Variants in ATP9B observed in about 807,000 individuals in gnomAD.
ATP9B encodes the protein probable phospholipid-transporting ATPase IIB.
In ATP9B, 110 loss-of-function variants were observed where a neutral mutation model predicts 146.1. The ratio of observed to expected loss-of-function variants is 0.75; its 90% CI spans 0.65 to 0.88. The LOEUF (loss-of-function observed/expected upper bound fraction) is 0.88. Ranked by LOEUF, ATP9B falls within the 40% of genes least tolerant of loss-of-function variation. The probability of loss-of-function intolerance (pLI) is 0.00; values close to 1 mark genes in which losing one functional copy is unlikely to be tolerated. For synonymous variants in ATP9B, 604 were observed against 569.7 expected (o/e 1.06, Z -0.86); for missense variants, 1,499 against 1,496.4 (o/e 1.00, Z -0.03).
At chr18:79,242,049 A>G (rs899783131) in intron 11 of ATP9B, among the ~76,000 whole-genome samples, 3 of 152,358 alleles carry the variant, frequency 2.0e-5, no homozygotes, top group Middle Eastern at 3.4e-3. Context: ...CTGTGGTCTC[A>G]TGCAGGAGCA....
chr18:79,167,113 C>T (rs763802093), intron 7 of ATP9B, among the ~76,000 whole-genome samples: 14 of 152,194 alleles, frequency 9.2e-5, no homozygotes, highest in African/African-American at 1.2e-4. Context: ...AGCCCTGGCT[C>T]GGTGAGCTGT....
intron 6 of ATP9B, 80 bp from the exon 7 acceptor site, chr18:79,154,424 G>T: frequency 1.1e-6 from 1 of 937,350 alleles, no homozygotes; most frequent in Non-Finnish European, 1.6e-6. Context: ...GTTTTCATAG[G>T]TATTTCTTAT....
At chr18:79,306,677 G>A (rs145416005) in intron 14 of ATP9B, among the ~76,000 whole-genome samples, 2 of 152,336 alleles carry the variant, frequency 1.3e-5, no homozygotes, top group East Asian at 3.9e-4. Context: ...TGAATAAATA[G>A]GAGTTAAGGA....
chr18:79,223,223 A>G (rs991846532), intron 11 of ATP9B, among the ~76,000 whole-genome samples: 1 of 152,212 alleles, frequency 6.6e-6, no homozygotes, highest in South Asian at 2.1e-4. Flanking sequence ...GTACTTTGCA[A>G]CTTGAAATAT....
At chr18:79,296,491 G>T (rs1234227775) in intron 13 of ATP9B, among the ~76,000 whole-genome samples, 1 of 152,166 alleles carries the variant, frequency 6.6e-6, no homozygotes, top group South Asian at 2.1e-4. Context: ...CGTCAATAAC[G>T]AGGTAAAAAA....
At chr18:79,311,507 C>T (rs1487006967) in intron 15 of ATP9B, among the ~76,000 whole-genome samples, 1 of 152,128 alleles carries the variant, frequency 6.6e-6, no homozygotes, top group East Asian at 1.9e-4. Context: ...TAAGCCACGG[C>T]TAGACTTCAA....
intron 26 of ATP9B, chr18:79,364,265 CA>C (rs950562390): frequency 0.048 from 4,520 of 95,024 alleles, 194 homozygotes; most frequent in African/African-American, 0.16. Flanking sequence ...AACTCCGTCT[CA>C]AAAAAAAAAA....
rs2072735720 is a variant in ATP9B at position 79,077,300 on chromosome 18, G to A, written c.119+7771G>A. ...TGGAATGTGGGGGTTACTGCCAGAAGGGGCTGAAGAGCCAGATTCCCTTCA... is the reference window on the plus strand; with the variant it reads ...TGGAATGTGGGGGTTACTGCCAGAAAGGGCTGAAGAGCCAGATTCCCTTCA... On this transcript the variant is annotated intron_variant, in intron 1 of 29. Transcript: ENST00000426216. 2.0e-5 allele frequency among the ~76,000 whole-genome samples: 3 copies of A among 152,186 alleles called. 1 individual carries two copies. The highest frequency in any genetic ancestry group is 1.3e-4 in the Admixed American group (2 of 15,268).
At position 79,240,764 on chromosome 18, in the gene ATP9B, G is replaced by A. The variant is rs140601512; in HGVS notation, c.1108-12617G>A. Among the ~76,000 whole-genome samples, 440 of 152,288 alleles carry A rather than the reference G, an allele frequency of 2.9e-3. 1 individual carries two copies. The highest frequency in any genetic ancestry group is 9.9e-3 in the African/African-American group (412 of 41,572). On this transcript the variant is annotated intron_variant, in intron 11 of 29. Transcript: ENST00000426216. The stretch of plus-strand genomic sequence containing the variant: ...TCCGCCTCAAAAAACAACAGAAAAA[G>A]AAGGTTCAACCAGAGACATCCAATT...
chr18:79,172,528 G>A (rs576876938), intron 7 of ATP9B, among the ~76,000 whole-genome samples: 1 of 111,510 alleles, frequency 9.0e-6, no homozygotes, highest in Non-Finnish European at 1.8e-5. Context: ...CCGCCCTTGC[G>A]ATCCGCCTTG....
At chr18:79,324,447 A>T (rs537038478) in intron 15 of ATP9B, among the ~76,000 whole-genome samples, 41 of 152,260 alleles carry the variant, frequency 2.7e-4, no homozygotes, top group African/African-American at 9.1e-4. Context: ...GTGGTTTTAG[A>T]TACCAAGCAG....
At chr18:79,117,172 A>G (rs2094099756) in intron 4 of ATP9B, 1 of 152,158 alleles carries the variant, frequency 6.6e-6, no homozygotes, top group African/African-American at 2.4e-5. Flanking sequence ...TATGTATAGA[A>G]GGAAATCCAC....
intron 11 of ATP9B, among the ~76,000 whole-genome samples, chr18:79,227,704 G>C (rs375259881): frequency 2.6e-5 from 4 of 152,102 alleles, no homozygotes; most frequent in Non-Finnish European, 5.9e-5. Context: ...ACCTCCCCCC[G>C]ACTGTTCTCC....
chr18:79,223,256 TTTC>T (rs1361729563), intron 11 of ATP9B, among the ~76,000 whole-genome samples: 1 of 152,152 alleles, frequency 6.6e-6, no homozygotes, highest in East Asian at 1.9e-4. Flanking sequence ...GGAGACTAGC[TTTC>T]TTGTTTTAAA....
intron 2 of ATP9B, among the ~76,000 whole-genome samples, chr18:79,100,864 T>C (rs1483072855): frequency 6.6e-6 from 1 of 152,140 alleles, no homozygotes; most frequent in Non-Finnish European, 1.5e-5. Flanking sequence ...CTCCTGTTTT[T>C]AAAATCATCA....
At position 79,236,869 on chromosome 18, in the gene ATP9B, G is replaced by A. The variant is rs370928711; in HGVS notation, c.1108-16512G>A. 4.3e-5 allele frequency among the ~76,000 whole-genome samples: 5 copies of A among 115,876 alleles called. No individual in the cohort carries two copies. The South Asian group carries it at 1.4e-3, about 33-fold the overall frequency. 76.0% of individuals were successfully genotyped at this position (115,876 alleles called of 152,430 possible). ...CCCACTGTGTACACGGTCCGTGCAC[G>A]AGTCAGTGTCCACACCTGCCCCTTC... On this transcript the variant is annotated intron_variant, in intron 11 of 29. Coordinates refer to ENST00000426216, the MANE Select transcript of ATP9B (RefSeq NM_198531.5).
At chr18:79,189,087 G>A (rs1255542063) in intron 8 of ATP9B, among the ~76,000 whole-genome samples, 1 of 152,042 alleles carries the variant, frequency 6.6e-6, no homozygotes, top group South Asian at 2.1e-4. Context: ...GGTGGATCAC[G>A]CCTGTAATCC....
At chr18:79,092,663 T>G (rs1050649891) in intron 1 of ATP9B, among the ~76,000 whole-genome samples, 2 of 146,578 alleles carry the variant, frequency 1.4e-5, no homozygotes, top group African/African-American at 5.2e-5. Context: ...TTTTTTTGGT[T>G]AAAAACGGAA....
intron 1 of ATP9B, among the ~76,000 whole-genome samples, chr18:79,094,447 T>G (rs1439026621): frequency 6.6e-6 from 1 of 152,186 alleles, no homozygotes; most frequent in Non-Finnish European, 1.5e-5. Context: ...TCCACCTGAC[T>G]GGGACAGTTC....
Sources: gnomAD v4.1 joint callset for allele counts (sites outside exome capture counted in the v4.1 genomes callset) on GRCh38, gnomAD v4.1.1 for gene constraint, MANE v1.5 for transcripts, NCBI Gene and HGNC (gene_info 2026-07-23, HGNC 2026-07-21) for gene names.